The following AUTS2 variants were observed in gnomAD, a reference collection of about 807,000 sequenced individuals.
AUTS2 encodes the protein activator of transcription and developmental regulator AUTS2, also known as autism susceptibility gene 2 protein.
Under a neutral mutation model 112.4 loss-of-function variants are expected in AUTS2, and 17 were observed. That is an observed-to-expected ratio of 0.15 (90% CI 0.10 to 0.23). The LOEUF (loss-of-function observed/expected upper bound fraction) is 0.23, where lower values mean the gene tolerates loss of function less well. Ranked by LOEUF, AUTS2 falls within the 10% of genes least tolerant of loss-of-function variation. The pLI is 1.00. For missense variants in AUTS2, 1,510 were observed against 1,701.6 expected, an observed-to-expected ratio of 0.89 and a Z score of 1.98; for synonymous variants, 751 against 702.7, an observed-to-expected ratio of 1.07 and a Z score of -1.09.
At chr7:70,010,139 TA>T (rs1221665246) in intron 2 of AUTS2, among the ~76,000 whole-genome samples, 5 of 152,088 alleles carry the variant, frequency 3.3e-5, no homozygotes, top group Admixed American at 6.5e-5. Flanking sequence ...GTCATGAGGA[TA>T]TTTTTTTTTA....
intron 1 of AUTS2, among the ~76,000 whole-genome samples, chr7:69,779,074 A>AT (rs1414754895): frequency 7.0e-6 from 1 of 142,250 alleles, no homozygotes; most frequent in Non-Finnish European, 1.5e-5. Context: ...AAAAAAAAAA[A>AT]AGAGTCTGGG....
chr7:69,693,918 T>C (rs988236656), intron 1 of AUTS2, among the ~76,000 whole-genome samples: 1 of 152,188 alleles, frequency 6.6e-6, no homozygotes, highest in African/African-American at 2.4e-5. Flanking sequence ...TAATACGCTG[T>C]GTAGGGTGAT....
At chr7:70,285,751 T>A (rs1232628400) in intron 4 of AUTS2, among the ~76,000 whole-genome samples, 1 of 152,222 alleles carries the variant, frequency 6.6e-6, no homozygotes, top group African/African-American at 2.4e-5. Context: ...CATAGGATCC[T>A]CCATTAGCAC....
At chr7:70,389,416 A>G (rs977318772) in intron 4 of AUTS2, among the ~76,000 whole-genome samples, 1 of 152,140 alleles carries the variant, frequency 6.6e-6, no homozygotes, top group African/African-American at 2.4e-5. Context: ...CAATCTGGCA[A>G]CTCCAGAAAC....
intron 1 of AUTS2, among the ~76,000 whole-genome samples, chr7:69,790,803 A>G (rs533382721): frequency 6.6e-6 from 1 of 152,366 alleles, no homozygotes; most frequent in East Asian, 1.9e-4. Flanking sequence ...ATGCTTGAAC[A>G]TCTCTAAATT....
chr7:69,863,657 G>A (rs1017947909), intron 1 of AUTS2, among the ~76,000 whole-genome samples: 1 of 152,192 alleles, frequency 6.6e-6, no homozygotes, highest in African/African-American at 2.4e-5. Flanking sequence ...GTGTTACCAC[G>A]TGTATGACTT....
intron 1 of AUTS2, among the ~76,000 whole-genome samples, chr7:69,723,032 G>A (rs1799046172): frequency 6.6e-6 from 1 of 152,086 alleles, no homozygotes; most frequent in African/African-American, 2.4e-5. Context: ...GAACTGTTCA[G>A]AAGCAAGAGG....
chr7:70,014,138 A>G (rs1425553304), intron 2 of AUTS2, among the ~76,000 whole-genome samples: 1 of 152,240 alleles, frequency 6.6e-6, no homozygotes, highest in Non-Finnish European at 1.5e-5. Flanking sequence ...AAGTAACTAT[A>G]AAAATGAGTG....
intron 1 of AUTS2, among the ~76,000 whole-genome samples, chr7:69,895,688 G>C (rs1794716755): frequency 6.6e-6 from 1 of 152,124 alleles, no homozygotes. Flanking sequence ...AGTGCAGTGA[G>C]AATTCCTTGA....
intron 4 of AUTS2, among the ~76,000 whole-genome samples, chr7:70,326,455 A>T (rs1445254332): frequency 6.6e-6 from 1 of 152,150 alleles, no homozygotes; most frequent in African/African-American, 2.4e-5. Flanking sequence ...CTCCTTCAAC[A>T]TGGCTTAATA....
intron 4 of AUTS2, among the ~76,000 whole-genome samples, chr7:70,363,865 T>TA (rs1792406909): frequency 6.6e-6 from 1 of 152,238 alleles, no homozygotes; most frequent in African/African-American, 2.4e-5. Flanking sequence ...AGTCCTCCTC[T>TA]AGCCTATTTA....
intron 5 of AUTS2, among the ~76,000 whole-genome samples, chr7:70,664,072 G>A (rs1403205652): frequency 2.6e-5 from 4 of 152,194 alleles, no homozygotes; most frequent in Non-Finnish European, 5.9e-5. Context: ...AAGATGGACA[G>A]AATGACATTC....
At chr7:69,674,907 C>G (rs1229674222) in intron 1 of AUTS2, among the ~76,000 whole-genome samples, 2 of 152,168 alleles carry the variant, frequency 1.3e-5, no homozygotes, top group Non-Finnish European at 2.9e-5. Flanking sequence ...GGAACAGATT[C>G]CGAAGTGTGT....
intron 2 of AUTS2, among the ~76,000 whole-genome samples, chr7:70,068,786 T>G (rs925925579): frequency 3.3e-5 from 5 of 152,214 alleles, no homozygotes; most frequent in African/African-American, 9.6e-5. Context: ...GCAGAGGTAC[T>G]TAACTAACCA....
rs183156572 is a variant in AUTS2 at position 70,579,341 on chromosome 7, T to A, written c.691-119228T>A. ...GTATGCAATGCTGAGAAGTGTCACT[T>A]TAACAGACTTAATCCTTTCAAATAA... is the stretch of plus-strand genomic sequence containing the variant. On this transcript the variant is annotated intron_variant, in intron 5 of 18. Coordinates refer to ENST00000342771, the MANE Select transcript of AUTS2 (RefSeq NM_015570.4). 9.2e-3 allele frequency among the ~76,000 whole-genome samples: 1,395 copies of A among 151,526 alleles called. 16 individuals carry two copies. Among genetic ancestry groups the A allele is most frequent in the African/African-American group, 0.032 (1,331 of 41,292 alleles).
At chr7:70,247,813 C>T (rs886372966) in intron 4 of AUTS2, among the ~76,000 whole-genome samples, 1 of 151,996 alleles carries the variant, frequency 6.6e-6, no homozygotes, top group East Asian at 1.9e-4. Context: ...GGATTTCTTG[C>T]CTTGATCTTA....
intron 1 of AUTS2, among the ~76,000 whole-genome samples, chr7:69,829,059 A>G (rs77843419): frequency 1.3e-5 from 2 of 152,210 alleles, no homozygotes; most frequent in Admixed American, 1.3e-4. Flanking sequence ...GATCAATGGA[A>G]CAGAATAGAG....
chr7:69,599,752 C>CGCGGCCGGCG lies in AUTS2; in HGVS notation c.105_114dup (p.Gly39ArgfsTer54). On this transcript the variant is annotated frameshift_variant, in exon 1 of 19. Coordinates refer to ENST00000342771, the MANE Select transcript of AUTS2 (RefSeq NM_015570.4). LOFTEE classifies it high-confidence loss of function. This position sits in a 1 kb window ranked among gnomAD's most constrained non-coding sequence, Gnocchi z 7.0. Reference sequence around the variant, plus strand: ...GCTCCCGGGGCGGGCTGGGGGCCGGCGCGGCCGGCGGCGGCGGGGCTGGCC... The same window carrying CGCGGCCGGCG: ...GCTCCCGGGGCGGGCTGGGGGCCGGCGCGGCCGGCGGCGGCCGGCGGCGGCGGGGCTGGCC... The CGCGGCCGGCG allele has an allele frequency of 7.3e-7, 1 of 1,362,616 alleles. No individual in the cohort carries two copies. Among genetic ancestry groups the CGCGGCCGGCG allele is most frequent in the Non-Finnish European group, 9.4e-7 (1 of 1,061,864 alleles). The allele number at this position is 1,362,616 out of a possible 1,614,324, so 84.4% of individuals were successfully genotyped here. A position where few individuals can be genotyped will look rare whatever the true frequency, so the allele number is the denominator to read the frequency against.
intron 5 of AUTS2, among the ~76,000 whole-genome samples, chr7:70,697,566 C>CCA (rs1047833555): frequency 7.2e-6 from 1 of 138,792 alleles, no homozygotes; most frequent in Non-Finnish European, 1.6e-5. Context: ...GAATTCCCCC[C>CCA]CCCCATTTCC....
Sources: allele counts gnomAD v4.1 joint callset (sites outside exome capture counted in the v4.1 genomes callset), GRCh38; gene constraint gnomAD v4.1.1; non-coding constraint Gnocchi (gnomAD v3.1); transcripts MANE v1.5; gene names NCBI Gene and HGNC (gene_info 2026-07-23, HGNC 2026-07-21).